RIMS1: variants seen among roughly 807,000 people sequenced by gnomAD.
The protein encoded by RIMS1 is regulating synaptic membrane exocytosis 1.
RIMS1 carries 83 observed loss-of-function variants against 214.1 expected under a neutral mutation model. The ratio of observed to expected loss-of-function variants is 0.39; its 90% CI spans 0.32 to 0.47. The LOEUF is 0.47. Ranked by LOEUF, RIMS1 falls within the 20% of genes least tolerant of loss-of-function variation. RIMS1 has a pLI of 0.99. For synonymous variants in RIMS1, 793 were observed against 786.8 expected (o/e 1.01, Z -0.13); for missense variants, 2,050 against 2,161.8 (o/e 0.95, Z 1.03).
At position 72,233,068 on chromosome 6, in the gene RIMS1, T is replaced by C. The variant is rs536264535; in HGVS notation, c.1679-705T>C. Among the ~76,000 whole-genome samples, 13 of 152,008 alleles carry C rather than the reference T, an allele frequency of 8.6e-5. No individual in the cohort carries two copies. The South Asian group carries it at 1.5e-3, about 17-fold the overall frequency. ...TAGGTTACCCAATTTTTCTCCGGCCTTTCATCCTATACAAATACTGAAAGC... is the reference window on the plus strand; with the variant it reads ...TAGGTTACCCAATTTTTCTCCGGCCCTTCATCCTATACAAATACTGAAAGC... On this transcript the variant is annotated intron_variant, in intron 6 of 33. Transcript: ENST00000521978.
intron 28 of RIMS1, among the ~76,000 whole-genome samples, chr6:72,324,081 G>GAT (rs1564052278): frequency 2.9e-5 from 4 of 137,644 alleles, no homozygotes; most frequent in Admixed American, 1.5e-4. Context: ...GATAGATAGA[G>GAT]AACAAAGAGA....
At chr6:72,281,628 C>A (rs904110974) in intron 23 of RIMS1, among the ~76,000 whole-genome samples, 4 of 152,042 alleles carry the variant, frequency 2.6e-5, no homozygotes, top group Admixed American at 2.6e-4. Context: ...TCATCTGAAT[C>A]ATCTCTCTTG....
intron 28 of RIMS1, among the ~76,000 whole-genome samples, chr6:72,320,558 G>A (rs997125569): frequency 3.3e-5 from 5 of 151,918 alleles, no homozygotes; most frequent in Admixed American, 6.6e-5. Context: ...CCATAATTTG[G>A]CTGAAGGATT....
In RIMS1 at chr6:72,259,040, T is replaced by C. The variant is rs2154155656; in HGVS notation, c.2982T>C (p.His994=). The C allele has an allele frequency of 6.2e-7, 1 of 1,612,210 alleles. No individual in the cohort carries two copies. The highest frequency in any genetic ancestry group is 1.3e-5 in the African/African-American group (1 of 74,976). The change falls in exon 18 of 34, where the codon CAT becomes CAC. Residue 994 remains histidine, a synonymous_variant. Coordinates refer to ENST00000521978, the MANE Select transcript of RIMS1 (RefSeq NM_014989.7). The part of the protein sequence containing the change: ...TRRSRSPTRH[H]DASRSPVDHR... ...GGTCACGTTCTCCAACCAGACACCA[T>C]GATGCCTCCCGAAGTCCAGTTGATC... is the stretch of plus-strand genomic sequence containing the variant.
At chr6:72,138,558 A>G (rs932786370) in intron 4 of RIMS1, among the ~76,000 whole-genome samples, 2 of 152,208 alleles carry the variant, frequency 1.3e-5, no homozygotes, top group Non-Finnish European at 2.9e-5. Flanking sequence ...CTGAGAAGGC[A>G]TACACATCTG....
At chr6:72,331,179 C>T (rs1387283009) in intron 28 of RIMS1, among the ~76,000 whole-genome samples, 2 of 151,716 alleles carry the variant, frequency 1.3e-5, no homozygotes, top group African/African-American at 4.8e-5. Flanking sequence ...TTTCCCTATA[C>T]TCTTAAACTT....
chr6:72,171,931 C>G (rs2047089852), intron 4 of RIMS1, among the ~76,000 whole-genome samples: 1 of 151,974 alleles, frequency 6.6e-6, no homozygotes, highest in Admixed American at 6.6e-5. Context: ...TATAAAAGCA[C>G]TTTCTGAGCT....
chr6:72,333,908 C>A, intron 29 of RIMS1, 73 bp downstream of exon 29: 1 of 1,048,722 alleles, frequency 9.5e-7, no homozygotes, highest in Non-Finnish European at 1.4e-6. Context: ...CATGCTATGG[C>A]TTGTGATGGA....
chr6:72,215,899 T>A (rs2055767633), intron 6 of RIMS1, among the ~76,000 whole-genome samples: 1 of 152,220 alleles, frequency 6.6e-6, no homozygotes, highest in African/African-American at 2.4e-5. Flanking sequence ...GAGATAATTA[T>A]TTTTGACAAG....
chr6:72,080,377 A>G (rs1050979622), intron 2 of RIMS1, among the ~76,000 whole-genome samples: 12 of 152,006 alleles, frequency 7.9e-5, no homozygotes, highest in African/African-American at 2.4e-4. Context: ...GTAACTGAAC[A>G]CTCCCCACCT....
chr6:72,210,418 G>T (rs951325195), intron 6 of RIMS1, among the ~76,000 whole-genome samples: 1 of 152,162 alleles, frequency 6.6e-6, no homozygotes, highest in African/African-American at 2.4e-5. Flanking sequence ...AGAATATGCA[G>T]TGTGTCCTGA....
At position 72,401,811 on chromosome 6, in the gene RIMS1, T is replaced by C. The variant is rs1341515055; in HGVS notation, c.*1097T>C. On this transcript the variant is annotated 3_prime_UTR_variant, in exon 34 of 34. Coordinates refer to ENST00000521978, the MANE Select transcript of RIMS1 (RefSeq NM_014989.7). ...GAGCATGGTATGAGCTGTTCAATAT[T>C]CCACTGGAAATTCCAGTTGAAATAT... 6.6e-6 allele frequency: 1 copy of C among 152,670 alleles called. No homozygotes were observed. Among genetic ancestry groups the C allele is most frequent in the African/African-American group, 2.4e-5 (1 of 41,468 alleles). The allele number at this position is 152,670 out of a possible 1,614,324, so 9.5% of individuals were successfully genotyped here.
At chr6:72,042,576 C>G (rs1485897329) in intron 2 of RIMS1, among the ~76,000 whole-genome samples, 1 of 151,772 alleles carries the variant, frequency 6.6e-6, no homozygotes, top group East Asian at 1.9e-4. Context: ...TTTCTTTACC[C>G]ACATACCACA....
intron 1 of RIMS1, among the ~76,000 whole-genome samples, chr6:71,938,401 G>C (rs567156501): frequency 1.3e-5 from 2 of 152,288 alleles, no homozygotes; most frequent in African/African-American, 2.4e-5. Flanking sequence ...GGGGCTCTCT[G>C]TCATGGCCTC....
At chr6:71,972,590 A>G (rs981092503) in intron 2 of RIMS1, among the ~76,000 whole-genome samples, 1 of 152,226 alleles carries the variant, frequency 6.6e-6, no homozygotes, top group African/African-American at 2.4e-5. Flanking sequence ...TCACTCAGTC[A>G]TATTTTAAGC....
chr6:72,179,415 A>T (rs533017377), intron 4 of RIMS1, 160 bp from the exon 5 acceptor site: 10 of 708,782 alleles, frequency 1.4e-5, no homozygotes, highest in African/African-American at 5.3e-5. Context: ...GCATTCATAT[A>T]TTTGACTGTG....
chr6:72,317,761 A>G (rs553099768), intron 28 of RIMS1, among the ~76,000 whole-genome samples: 8 of 152,060 alleles, frequency 5.3e-5, no homozygotes, highest in Non-Finnish European at 8.8e-5. Flanking sequence ...CATGAAGCTT[A>G]TTATCTACAC....
At chr6:71,985,641 C>T (rs1427015391) in intron 2 of RIMS1, among the ~76,000 whole-genome samples, 2 of 152,072 alleles carry the variant, frequency 1.3e-5, no homozygotes. Context: ...TTGACAAACC[C>T]TATAATTCAG....
chr6:72,178,199 CTATAT>C (rs1279243741), intron 4 of RIMS1, among the ~76,000 whole-genome samples: 1 of 151,908 alleles, frequency 6.6e-6, no homozygotes, highest in African/African-American at 2.4e-5. Flanking sequence ...TTAATTTTTC[CTATAT>C]TATAATTCAT....
Sources: allele counts gnomAD v4.1 joint callset (sites outside exome capture counted in the v4.1 genomes callset), GRCh38; gene constraint gnomAD v4.1.1; transcripts MANE v1.5; gene names NCBI Gene and HGNC (gene_info 2026-07-23, HGNC 2026-07-21).